The following TUSC3 variants were observed in gnomAD, a reference collection of about 807,000 sequenced individuals.
TUSC3 encodes the protein tumor suppressor candidate 3.
In TUSC3, 45 loss-of-function variants were observed where a neutral mutation model predicts 44.8. The ratio of observed to expected loss-of-function variants is 1.00; its 90% CI spans 0.79 to 1.29. The LOEUF is 1.29. Among genes scored for constraint, TUSC3 ranks in the 50% most tolerant of loss-of-function variants. TUSC3 has a pLI of 0.00. For synonymous variants in TUSC3, 212 were observed against 152.9 expected, an observed-to-expected ratio of 1.39 and a Z score of -2.85; for missense variants, 519 against 437.9, an observed-to-expected ratio of 1.19 and a Z score of -1.65.
At chr8:15,747,621 A>G (rs1429179170) in intron 8 of TUSC3, among the ~76,000 whole-genome samples, 3 of 152,072 alleles carry the variant, frequency 2.0e-5, no homozygotes, top group Admixed American at 1.3e-4. Flanking sequence ...TTAGAGTAAA[A>G]TCTTCTCAAT....
chr8:15,468,253 G>C (rs1800440065), intron 1 of TUSC3, among the ~76,000 whole-genome samples: 1 of 152,144 alleles, frequency 6.6e-6, no homozygotes, highest in Non-Finnish European at 1.5e-5. Flanking sequence ...CCCACAGACA[G>C]CTGCTTAATG....
the TUSC3 span, among the ~76,000 whole-genome samples, chr8:15,798,243 G>T: frequency 6.6e-6 from 1 of 152,190 alleles, no homozygotes; most frequent in Non-Finnish European, 1.5e-5. Flanking sequence ...TTAAGGTCAT[G>T]TTAACCTTCT....
At chr8:15,600,170 C>T (rs1341926567) in intron 1 of TUSC3, among the ~76,000 whole-genome samples, 1 of 151,646 alleles carries the variant, frequency 6.6e-6, no homozygotes, top group Non-Finnish European at 1.5e-5. Flanking sequence ...ATTTGTTTGT[C>T]CTATAAAATT....
intron 1 of TUSC3, among the ~76,000 whole-genome samples, chr8:15,437,777 C>G (rs559803466): frequency 2.0e-5 from 3 of 152,244 alleles, no homozygotes; most frequent in Non-Finnish European, 4.4e-5. Flanking sequence ...GGATCTATAC[C>G]TCGAGTTTCA....
chr8:15,680,051 C>T (rs1420036601), intron 6 of TUSC3, among the ~76,000 whole-genome samples: 1 of 151,618 alleles, frequency 6.6e-6, no homozygotes, highest in East Asian at 1.9e-4. Context: ...CTTAGGATTA[C>T]CTTGGCTATT....
chr8:15,778,264 A>T, the TUSC3 span, among the ~76,000 whole-genome samples: 2 of 152,178 alleles, frequency 1.3e-5, no homozygotes, highest in Non-Finnish European at 2.9e-5. Flanking sequence ...AATTCATACT[A>T]ACGTAATCTG....
At chr8:15,815,041 G>A in the TUSC3 span, among the ~76,000 whole-genome samples, 1 of 152,058 alleles carries the variant, frequency 6.6e-6, no homozygotes, top group Non-Finnish European at 1.5e-5. Context: ...AAGGATATAA[G>A]TAACGAGATA....
At chr8:15,514,371 C>T (rs534299595) in intron 2 of TUSC3, among the ~76,000 whole-genome samples, 2 of 151,968 alleles carry the variant, frequency 1.3e-5, no homozygotes, top group East Asian at 3.9e-4. Flanking sequence ...TGAAGTTGAG[C>T]AAGAAAATTA....
intron 1 of TUSC3, among the ~76,000 whole-genome samples, chr8:15,477,997 G>A (rs1800604685): frequency 6.6e-6 from 1 of 152,002 alleles, no homozygotes; most frequent in South Asian, 2.1e-4. Context: ...TCGTTCTGTT[G>A]CCCAGGCTAG....
At chr8:15,565,326 T>C (rs1194226543) in intron 1 of TUSC3, among the ~76,000 whole-genome samples, 1 of 152,160 alleles carries the variant, frequency 6.6e-6, no homozygotes, top group African/African-American at 2.4e-5. Flanking sequence ...ATTTTGGATC[T>C]ACCTGGCTAA....
chr8:15,797,907 G>GT, the TUSC3 span, among the ~76,000 whole-genome samples: 1,746 of 151,630 alleles, frequency 0.012, 29 homozygotes, highest in East Asian at 0.089. Context: ...GTCCTGTTAG[G>GT]TTTTTTTTTC....
intron 6 of TUSC3, among the ~76,000 whole-genome samples, chr8:15,728,795 G>A (rs556928164): frequency 6.6e-6 from 1 of 152,278 alleles, no homozygotes; most frequent in East Asian, 1.9e-4. Flanking sequence ...TGAGCTCTGA[G>A]ATACTCCAGA....
chr8:15,543,774 A>G (rs961652958), intron 1 of TUSC3, among the ~76,000 whole-genome samples: 1 of 151,348 alleles, frequency 6.6e-6, no homozygotes, highest in Non-Finnish European at 1.5e-5. Context: ...TAACTTTATA[A>G]TAATAAATTA....
rs748580386 is a variant in TUSC3, at chr8:15,748,811, CTGTTCAT to C, written c.1028+350_1028+356del. 16 of 495,654 alleles carry C rather than the reference CTGTTCAT, an allele frequency of 3.2e-5. No homozygotes were observed. The East Asian group carries it at 9.0e-4, about 28-fold the overall frequency. 30.7% of individuals were successfully genotyped at this position (495,654 alleles called of 1,614,324 possible). On this transcript the variant is annotated intron_variant, in intron 9 of 10. Coordinates refer to ENST00000503731, the MANE Select transcript of TUSC3 (RefSeq NM_006765.4). ...CAAGATTGTTTTCTCATATAATTCA[CTGTTCAT>C]TGTCTAATAAACTTTGTATTATCTT...
At chr8:15,572,286 T>C (rs188591665) in intron 1 of TUSC3, among the ~76,000 whole-genome samples, 7 of 152,322 alleles carry the variant, frequency 4.6e-5, no homozygotes, top group East Asian at 1.9e-4. Flanking sequence ...TTTTATGTTA[T>C]GGAAATGGCT....
At chr8:15,596,490 G>A (rs1420421939) in intron 1 of TUSC3, among the ~76,000 whole-genome samples, 1 of 152,136 alleles carries the variant, frequency 6.6e-6, no homozygotes, top group East Asian at 1.9e-4. Flanking sequence ...ACCAACTGCA[G>A]GGCTTGAGTA....
chr8:15,455,928 C>G lies in TUSC3; in HGVS notation n.92-27458C>G, dbSNP rs118011227. Reference sequence around the variant, plus strand: ...CCCATTTATTCCTGCAGATAACATCCACTACTGTAGAAGATAACACTGACC... The same window carrying G: ...CCCATTTATTCCTGCAGATAACATCGACTACTGTAGAAGATAACACTGACC... On this transcript the variant is annotated intron_variant and non_coding_transcript_variant, in intron 1 of 5. Coordinates refer to the TUSC3 transcript ENST00000503191. Among the ~76,000 whole-genome samples, 7 of 152,262 alleles carry G rather than the reference C, an allele frequency of 4.6e-5. No individual in the cohort carries two copies. The East Asian group carries it at 1.4e-3, about 29-fold the overall frequency.
Position 15,635,073 on chromosome 8 carries a change from C to G in TUSC3, c.308+11824C>G, listed in dbSNP as rs184775413. ...TTCCTAAGCCTTTTTTTTTTCCCCCCAAAGGTAGGCTGCCACCCAGGGGAT... is the reference window on the plus strand; with the variant it reads ...TTCCTAAGCCTTTTTTTTTTCCCCCGAAAGGTAGGCTGCCACCCAGGGGAT... On this transcript the variant is annotated intron_variant, in intron 2 of 10. Transcript: ENST00000503731. 3.4e-3 allele frequency among the ~76,000 whole-genome samples: 522 copies of G among 151,794 alleles called. 4 individuals are homozygous for G. Among genetic ancestry groups the G allele is most frequent in the African/African-American group, 0.012 (509 of 41,432 alleles).
At chr8:15,821,359 ATTTTTT>A in the TUSC3 span, among the ~76,000 whole-genome samples, 1 of 131,298 alleles carries the variant, frequency 7.6e-6, no homozygotes, top group South Asian at 2.3e-4. Flanking sequence ...GTATCTAGGC[ATTTTTT>A]TTTTTTTTTT....
Sources: gnomAD v4.1 joint callset for allele counts (sites outside exome capture counted in the v4.1 genomes callset) on GRCh38, gnomAD v4.1.1 for gene constraint, MANE v1.5 for transcripts, NCBI Gene and HGNC (gene_info 2026-07-23, HGNC 2026-07-21) for gene names.